WDPCP: variants seen among roughly 807,000 people sequenced by gnomAD.
WDPCP encodes the protein WD repeat containing planar cell polarity effector.
A neutral mutation model predicts 93.1 loss-of-function variants in WDPCP; 71 were observed. The observed-to-expected ratio is 0.76, with a 90% CI of 0.63 to 0.93. The LOEUF (loss-of-function observed/expected upper bound fraction) is 0.93. Ranked by LOEUF, WDPCP falls within the 40% of genes least tolerant of loss-of-function variation. The pLI, the probability that WDPCP is intolerant of heterozygous loss-of-function variation, is 0.00. For synonymous variants in WDPCP, 315 were observed against 315.0 expected (o/e 1.00, Z 0.00); for missense variants, 844 against 887.4 (o/e 0.95, Z 0.62).
At chr2:63,150,940 T>C (rs1030921542) in intron 17 of WDPCP, among the ~76,000 whole-genome samples, 4 of 152,230 alleles carry the variant, frequency 2.6e-5, no homozygotes, top group African/African-American at 9.6e-5. Flanking sequence ...TATCTGTACT[T>C]AATAGCAATT....
intron 3 of WDPCP, among the ~76,000 whole-genome samples, chr2:63,630,143 C>T (rs1709850059): frequency 6.6e-6 from 1 of 151,954 alleles, no homozygotes; most frequent in Non-Finnish European, 1.5e-5. Flanking sequence ...AAAAGATACA[C>T]TCAAAAAACT....
chr2:63,584,456 G>A (rs1187303001), intron 1 of WDPCP, among the ~76,000 whole-genome samples: 1 of 151,484 alleles, frequency 6.6e-6, no homozygotes, highest in Non-Finnish European at 1.5e-5. Flanking sequence ...GCTCATCCAT[G>A]TTGGTGTGTA....
chr2:63,378,932 C>A (rs1033265700), intron 11 of WDPCP, among the ~76,000 whole-genome samples: 1 of 152,082 alleles, frequency 6.6e-6, no homozygotes, highest in African/African-American at 2.4e-5. Context: ...CAGAAATGTT[C>A]TTTAAAATAA....
intron 1 of WDPCP, among the ~76,000 whole-genome samples, chr2:63,568,656 G>A (rs2106456493): frequency 6.6e-6 from 1 of 152,328 alleles, no homozygotes; most frequent in African/African-American, 2.4e-5. Flanking sequence ...GCTGGAATGG[G>A]ACCTCACATT....
At chr2:63,471,884 T>G (rs1699712138) in intron 6 of WDPCP, among the ~76,000 whole-genome samples, 1 of 152,170 alleles carries the variant, frequency 6.6e-6, no homozygotes. Flanking sequence ...GCAGGTAAAT[T>G]TTTTTGAGAG....
intron 12 of WDPCP, among the ~76,000 whole-genome samples, chr2:63,335,761 C>T (rs1013554170): frequency 2.0e-5 from 3 of 152,160 alleles, no homozygotes; most frequent in Non-Finnish European, 4.4e-5. Flanking sequence ...AAAAATGAGG[C>T]TGAAACCTAC....
chr2:63,595,402 G>A, intron 3 of WDPCP: 1 of 1,445,420 alleles, frequency 6.9e-7, no homozygotes, highest in Non-Finnish European at 9.7e-7. Context: ...ACTAACAGAT[G>A]CTGTCCTTGC....
At chr2:63,553,922 C>T (rs771408877) in intron 1 of WDPCP, among the ~76,000 whole-genome samples, 3 of 152,116 alleles carry the variant, frequency 2.0e-5, no homozygotes, top group Non-Finnish European at 4.4e-5. Context: ...CACAATGCTC[C>T]ATTACCCCTT....
intron 2 of WDPCP, among the ~76,000 whole-genome samples, chr2:63,701,645 A>T (rs1262813339): frequency 6.6e-6 from 1 of 152,260 alleles, no homozygotes; most frequent in Non-Finnish European, 1.5e-5. Flanking sequence ...TGTTATATAT[A>T]TACAACAGGA....
At chr2:63,563,815 G>C (rs1472589193) in intron 1 of WDPCP, among the ~76,000 whole-genome samples, 1 of 152,102 alleles carries the variant, frequency 6.6e-6, no homozygotes, top group Admixed American at 6.5e-5. Context: ...CATCCTTCAT[G>C]CAGCCCCTTG....
chr2:63,572,701 CAAAAAA>C (rs533331577), intron 1 of WDPCP, among the ~76,000 whole-genome samples: 12 of 24,776 alleles, frequency 4.8e-4, no homozygotes, highest in South Asian at 6.9e-3. Flanking sequence ...GACTCTGTCT[CAAAAAA>C]AAAAAAAAAA....
intron 2 of WDPCP, among the ~76,000 whole-genome samples, chr2:63,686,621 T>C (rs1668806939): frequency 6.6e-6 from 1 of 152,066 alleles, no homozygotes; most frequent in South Asian, 2.1e-4. Flanking sequence ...AGACCCAGAA[T>C]AGCCAAATCT....
At chr2:63,628,018 G>T (rs1709827485) in intron 3 of WDPCP, among the ~76,000 whole-genome samples, 1 of 152,170 alleles carries the variant, frequency 6.6e-6, no homozygotes. Flanking sequence ...GGCTTTAGGG[G>T]TCATGGGTAT....
chr2:63,511,629 C>T (rs573682941), intron 1 of WDPCP, among the ~76,000 whole-genome samples: 1 of 152,012 alleles, frequency 6.6e-6, no homozygotes, highest in Admixed American at 6.6e-5. Flanking sequence ...ACAAACCTGA[C>T]AAAAACAAGC....
At chr2:63,126,113 T>C (rs1669884299) in intron 17 of WDPCP, among the ~76,000 whole-genome samples, 1 of 151,620 alleles carries the variant, frequency 6.6e-6, no homozygotes, top group African/African-American at 2.4e-5. Context: ...TTTGTATTTT[T>C]TGTAGAGACA....
chr2:63,487,503 A>T lies in WDPCP; in HGVS notation c.161-9T>A. 6.3e-7 allele frequency: 1 copy of T among 1,574,890 alleles called. No individual in the cohort carries two copies. The highest frequency in any genetic ancestry group is 8.7e-7 in the Non-Finnish European group (1 of 1,146,128). On this transcript the variant is annotated splice_polypyrimidine_tract_variant and intron_variant, in intron 2 of 17. Transcript: ENST00000272321. ...GATCCCAATGTCTCTATCTATAGAA[A>T]GGAAGAAATAACATTAAATTATGAT... is the stretch of plus-strand genomic sequence containing the variant.
At chr2:63,814,865 G>C (rs1038970174) in intron 1 of WDPCP, among the ~76,000 whole-genome samples, 2 of 152,124 alleles carry the variant, frequency 1.3e-5, no homozygotes, top group Non-Finnish European at 1.5e-5. Context: ...GGTTTCAATA[G>C]GATATGTTTG....
chr2:63,479,040 T>C (rs1179011451), intron 6 of WDPCP, among the ~76,000 whole-genome samples: 1 of 151,426 alleles, frequency 6.6e-6, no homozygotes, highest in Non-Finnish European at 1.5e-5. Context: ...AAAAAAATCA[T>C]TCAAGGCTAC....
chr2:63,275,645 C>T (rs1337040823), intron 13 of WDPCP, among the ~76,000 whole-genome samples: 2 of 151,904 alleles, frequency 1.3e-5, no homozygotes, highest in Non-Finnish European at 2.9e-5. Context: ...TTTGCAATGG[C>T]CACAAAAAAA....
Sources: gnomAD v4.1 joint callset for allele counts (sites outside exome capture counted in the v4.1 genomes callset) on GRCh38, gnomAD v4.1.1 for gene constraint, MANE v1.5 for transcripts, NCBI Gene and HGNC (gene_info 2026-07-23, HGNC 2026-07-21) for gene names.